HKDC1: variants seen among roughly 807,000 people sequenced by gnomAD.
HKDC1 encodes hexokinase HKDC1.
In HKDC1, 66 loss-of-function variants were observed where a neutral mutation model predicts 96.6. That is an observed-to-expected ratio of 0.68 (90% CI 0.56 to 0.84). The LOEUF (loss-of-function observed/expected upper bound fraction) is 0.84, where lower values mean the gene tolerates loss of function less well. Among genes scored for constraint, HKDC1 ranks in the 40% least tolerant of loss-of-function variants. The pLI is 0.00. For missense variants in HKDC1, 1,211 were observed against 1,208.1 expected (o/e 1.00, Z -0.04); for synonymous variants, 466 against 473.1 (o/e 0.98, Z 0.20).
intron 16 of HKDC1, among the ~76,000 whole-genome samples, chr10:69,263,058 T>C (rs1209935455): frequency 6.6e-6 from 1 of 152,144 alleles, no homozygotes; most frequent in African/African-American, 2.4e-5. Flanking sequence ...TACAGGTTTC[T>C]GTTGTTGTTT....
intron 12 of HKDC1, 79 bp downstream of exon 12, chr10:69,250,731 G>C: frequency 6.6e-7 from 1 of 1,524,014 alleles, no homozygotes. Flanking sequence ...GTAACTCCCA[G>C]CCTGCCTTCA....
intron 1 of HKDC1, among the ~76,000 whole-genome samples, chr10:69,224,470 G>C (rs1294461685): frequency 1.3e-5 from 2 of 151,990 alleles, no homozygotes; most frequent in African/African-American, 4.8e-5. Flanking sequence ...TTTTAGTAGA[G>C]ACATGGTTTC....
intron 16 of HKDC1, among the ~76,000 whole-genome samples, chr10:69,264,433 G>A (rs1843860366): frequency 1.3e-5 from 2 of 151,414 alleles, no homozygotes; most frequent in African/African-American, 4.9e-5. Flanking sequence ...GAGTACAGTG[G>A]TATGATCATG....
chr10:69,245,192 G>A (rs780333847), intron 7 of HKDC1, among the ~76,000 whole-genome samples: 2 of 152,178 alleles, frequency 1.3e-5, no homozygotes, highest in African/African-American at 4.8e-5. Context: ...ATGAGTCACT[G>A]TACCTGGCCT....
chr10:69,257,079 G>C lies in HKDC1; in HGVS notation c.1880G>C (p.Cys627Ser), dbSNP rs948256556. Residue 627 changes from cysteine to serine, a missense_variant, in exon 13 of 18, where the codon TGT (cysteine) becomes TCT (serine). Coordinates refer to ENST00000354624, the MANE Select transcript of HKDC1 (RefSeq NM_025130.4). ...ACCAAAGGTTTCAAGGCCACTGACT[G>C]TGAAGGGGAGGACGTGGTGGACATG... ...GWTKGFKATD[C>S]EGEDVVDMLR... 3 of 1,614,158 alleles carry C rather than the reference G, an allele frequency of 1.9e-6. No homozygotes were observed. Among genetic ancestry groups the C allele is most frequent in the Non-Finnish European group, 2.5e-6 (3 of 1,180,026 alleles).
chr10:69,227,435 A>C, intron 2 of HKDC1, 66 bp downstream of exon 2: 3 of 1,576,822 alleles, frequency 1.9e-6, no homozygotes, highest in Non-Finnish European at 2.6e-6. Flanking sequence ...TAAAGTACCT[A>C]AGGTTTGCCC....
chr10:69,245,246 C>A (rs1843521868), intron 7 of HKDC1, among the ~76,000 whole-genome samples: 1 of 152,106 alleles, frequency 6.6e-6, no homozygotes, highest in Admixed American at 6.6e-5. Context: ...TAGATTGTGA[C>A]ATAGATTGTT....
intron 2 of HKDC1, among the ~76,000 whole-genome samples, chr10:69,231,919 C>G (rs1411528538): frequency 6.6e-6 from 1 of 152,226 alleles, no homozygotes; most frequent in African/African-American, 2.4e-5. Flanking sequence ...TCCATCAGCT[C>G]CTTTGTGGCT....
intron 16 of HKDC1, 97 bp downstream of exon 16, chr10:69,261,391 AG>A: frequency 8.3e-7 from 1 of 1,206,948 alleles, no homozygotes; most frequent in East Asian, 2.5e-5. Flanking sequence ...AAAAACAGAA[AG>A]GCCCTGGCTG....
chr10:69,256,365 G>C (rs1843716628), intron 12 of HKDC1, among the ~76,000 whole-genome samples: 1 of 152,188 alleles, frequency 6.6e-6, no homozygotes, highest in Non-Finnish European at 1.5e-5. Context: ...ATAAACATTT[G>C]GTAGCTTTGC....
At chr10:69,226,933 A>G (rs1180784296) in intron 1 of HKDC1, among the ~76,000 whole-genome samples, 3 of 152,140 alleles carry the variant, frequency 2.0e-5, no homozygotes, top group Non-Finnish European at 4.4e-5. Flanking sequence ...CCCTTGTCTC[A>G]TCAGAATAAT....
chr10:69,232,313 T>A (rs1843276354), intron 2 of HKDC1: 2 of 179,882 alleles, frequency 1.1e-5, no homozygotes, highest in African/African-American at 2.4e-5. Flanking sequence ...GCCCATAGGA[T>A]CATCGGCTGC....
intron 1 of HKDC1, among the ~76,000 whole-genome samples, chr10:69,226,836 G>A (rs1030647433): frequency 6.6e-6 from 1 of 152,184 alleles, no homozygotes; most frequent in African/African-American, 2.4e-5. Flanking sequence ...GCTCTAGCTG[G>A]CCTTTTTTGG....
At chr10:69,266,569 T>C in intron 17 of HKDC1, 41 bp from the exon 18 acceptor site, 1 of 1,600,644 alleles carries the variant, frequency 6.2e-7, no homozygotes, top group Non-Finnish European at 8.5e-7. Flanking sequence ...GTTCTGATTC[T>C]ACATGGAAGG....
At chr10:69,227,454 T>C in intron 2 of HKDC1, 85 bp downstream of exon 2, 1 of 1,471,630 alleles carries the variant, frequency 6.8e-7, no homozygotes, top group East Asian at 2.3e-5. Flanking sequence ...CCCTGTACCT[T>C]GGCTTCTCTC....
In HKDC1 at chr10:69,250,642, G is replaced by A. The variant is rs774656516; in HGVS notation, c.1826G>A (p.Ser609Asn). The A allele has an allele frequency of 1.2e-6, 2 of 1,613,786 alleles. No individual in the cohort carries two copies. The highest frequency in any genetic ancestry group is 1.7e-6 in the Non-Finnish European group (2 of 1,180,010). ...TTCTCATTTCCCTGCAGGCAGATGA[G>A]CATTGACAAGGTAAGATAGCCCCAC... Reference protein sequence around the residue: ...FTFSFPCRQMSIDKGTLIGWT... With the variant: ...FTFSFPCRQMNIDKGTLIGWT... Residue 609 changes from serine (S) to asparagine (N), a missense_variant, in exon 12 of 18, where the codon AGC (serine) becomes AAC (asparagine). Coordinates refer to ENST00000354624, the MANE Select transcript of HKDC1 (RefSeq NM_025130.4).
In HKDC1 at chr10:69,266,612, T is replaced by G; in HGVS notation, c.2609T>G (p.Phe870Cys). 1 of 1,613,828 alleles carries G rather than the reference T, an allele frequency of 6.2e-7. No individual in the cohort carries two copies. The highest frequency in any genetic ancestry group is 8.5e-7 in the Non-Finnish European group (1 of 1,179,886). ...ATGTTTCTTTCTCTTTTTCATAGCT[T>G]TTCTAGAATATTGCAGGAAACTGTG... ...DGTLYKLHPHFSRILQETVKE... is the reference protein window; with the variant it reads ...DGTLYKLHPHCSRILQETVKE... Residue 870 changes from phenylalanine to cysteine, a missense_variant and splice_region_variant, in exon 18 of 18, where the codon TTT becomes TGT. Phe to Cys is a radical substitution (Grantham distance 205). Transcript: ENST00000354624.
intron 17 of HKDC1, 92 bp from the exon 18 acceptor site, chr10:69,266,518 G>T: frequency 7.2e-7 from 1 of 1,379,764 alleles, no homozygotes; most frequent in Non-Finnish European, 9.9e-7. Context: ...GCAAACCAAA[G>T]GGAAGAAGCT....
chr10:69,247,382 A>C lies in HKDC1; in HGVS notation c.1054A>C (p.Thr352Pro). 6.2e-7 allele frequency: 1 copy of C among 1,614,024 alleles called. No individual in the cohort carries two copies. Among genetic ancestry groups the C allele is most frequent in the Non-Finnish European group, 8.5e-7 (1 of 1,179,938 alleles). Reference protein sequence around the residue: ...MEKYKEGLANTREILVDLGLE... With the variant: ...MEKYKEGLANPREILVDLGLE... ...CAGGTATAAAGAAGGCCTTGCTAAT[A>C]CAAGAGAGATCCTGGTGGACCTGGG... The change falls in exon 9 of 18, where the codon ACA (threonine) becomes CCA (proline). Residue 352 changes from threonine to proline, a missense_variant. Transcript: ENST00000354624.
Sources: gnomAD v4.1 joint callset for allele counts (sites outside exome capture counted in the v4.1 genomes callset) on GRCh38, gnomAD v4.1.1 for gene constraint, MANE v1.5 for transcripts, NCBI Gene and HGNC (gene_info 2026-07-23, HGNC 2026-07-21) for gene names.